The following PKD2L2 variants were observed in gnomAD, a reference collection of about 807,000 sequenced individuals.
PKD2L2 encodes polycystin 2 like 2, transient receptor potential cation channel, also known as polycystin-2-like protein 2.
In PKD2L2, 67 loss-of-function variants were observed where a neutral mutation model predicts 83.9. The ratio of observed to expected loss-of-function variants is 0.80; its 90% CI spans 0.66 to 0.98. PKD2L2 has a LOEUF of 0.98. PKD2L2 is among the 50% of genes least tolerant of loss of function. The pLI is 0.00. For missense variants in PKD2L2, 632 were observed against 717.2 expected (o/e 0.88, Z 1.36); for synonymous variants, 223 against 237.8 (o/e 0.94, Z 0.57).
At chr5:137,926,613 T>G (rs1451398510) in intron 12 of PKD2L2, among the ~76,000 whole-genome samples, 1 of 152,208 alleles carries the variant, frequency 6.6e-6, no homozygotes, top group African/African-American at 2.4e-5. Context: ...CTATGAGGGC[T>G]AGAATGACAC....
chr5:137,938,529 T>C (rs1156371950), intron 14 of PKD2L2: 1 of 152,588 alleles, frequency 6.6e-6, no homozygotes, highest in Non-Finnish European at 1.5e-5. Context: ...CAATTTCACT[T>C]TTCTAGGTAT....
chr5:137,940,036 A>G, intron 14 of PKD2L2: 1 of 1,613,050 alleles, frequency 6.2e-7, no homozygotes, highest in Non-Finnish European at 8.5e-7. Flanking sequence ...ATGGAACATC[A>G]CTTACGCTCC....
In PKD2L2 at chr5:137,907,903, A is replaced by G. The variant is rs1174682934; in HGVS notation, c.1137A>G (p.Ala379=). 1 of 1,360,844 alleles carries G rather than the reference A, an allele frequency of 7.3e-7. No individual in the cohort carries two copies. The highest frequency in any genetic ancestry group is 1.0e-6 in the Non-Finnish European group (1 of 971,374). The allele number at this position is 1,360,844 out of a possible 1,614,324, so 84.3% of individuals were successfully genotyped here. A position where few individuals can be genotyped will look rare whatever the true frequency, so the allele number is the denominator to read the frequency against. ...NNIIAITIFF[A]WIKIFKFISF... ...TAATTGCTATTACCATCTTTTTTGCATGGATAAAGGTATTTATATTTCATT... is the reference window on the plus strand; with the variant it reads ...TAATTGCTATTACCATCTTTTTTGCGTGGATAAAGGTATTTATATTTCATT... The change falls in exon 7 of 15, where the codon GCA becomes GCG. Residue 379 remains alanine (A), a synonymous_variant. Transcript: ENST00000508883.
At chr5:137,891,374 A>G (rs1420873450) in intron 2 of PKD2L2, among the ~76,000 whole-genome samples, 2 of 151,528 alleles carry the variant, frequency 1.3e-5, no homozygotes, top group African/African-American at 4.8e-5. Context: ...GCTGAGGTGG[A>G]GGATTGCTTG....
chr5:137,903,373 G>A (rs1285585544), intron 5 of PKD2L2, among the ~76,000 whole-genome samples: 2 of 152,178 alleles, frequency 1.3e-5, no homozygotes, highest in Non-Finnish European at 2.9e-5. Context: ...CCTCTCCTGG[G>A]TGACAGGCCA....
intron 5 of PKD2L2, among the ~76,000 whole-genome samples, chr5:137,902,845 G>A (rs1757078842): frequency 6.6e-6 from 1 of 152,178 alleles, no homozygotes; most frequent in Non-Finnish European, 1.5e-5. Flanking sequence ...CACAAATGGT[G>A]TCTGCTGTAT....
Position 137,942,740 on chromosome 5 carries a change from C to G in PKD2L2, c.*374C>G, listed in dbSNP as rs1277273923. On this transcript the variant is annotated 3_prime_UTR_variant, in exon 15 of 15. Coordinates refer to ENST00000508883, the MANE Select transcript of PKD2L2 (RefSeq NM_001300921.2). The stretch of plus-strand genomic sequence containing the variant: ...TGACAATAAATATTTGCAAATCACA[C>G]TTGAAAAGCATGTGTCCTTTGATAA... The G allele has an allele frequency of 6.0e-6, 4 of 671,854 alleles. No individual in the cohort carries two copies. Among genetic ancestry groups the G allele is most frequent in the Non-Finnish European group, 9.5e-6 (4 of 423,276 alleles). 41.6% of individuals were successfully genotyped at this position (671,854 alleles called of 1,614,324 possible).
At chr5:137,919,946 C>G (rs1758738087) in intron 8 of PKD2L2, among the ~76,000 whole-genome samples, 1 of 152,212 alleles carries the variant, frequency 6.6e-6, no homozygotes, top group Admixed American at 6.5e-5. Flanking sequence ...GCCTGTAATT[C>G]CAGCACTTTG....
Position 137,929,569 on chromosome 5 carries a change from C to A in PKD2L2, c.1671+3640C>A, listed in dbSNP as rs145247506. On this transcript the variant is annotated intron_variant, in intron 12 of 14. Transcript: ENST00000508883. ...AAAAAAAAAAAAAAAACAGACCACA[C>A]GGTAAAAGACTTAAAATATAAATAT... is the stretch of plus-strand genomic sequence containing the variant. 1.1e-3 allele frequency among the ~76,000 whole-genome samples: 52 copies of A among 48,052 alleles called. 1 individual carries two copies. The East Asian group carries it at 0.024, about 22-fold the overall frequency. The allele number at this position is 48,052 out of a possible 152,430, so 31.5% of individuals were successfully genotyped here.
intron 10 of PKD2L2, among the ~76,000 whole-genome samples, 164 bp downstream of exon 10, chr5:137,923,685 T>C (rs950785844): frequency 6.6e-6 from 1 of 152,330 alleles, no homozygotes; most frequent in African/African-American, 2.4e-5. Context: ...GTTACTCATA[T>C]TCGCATTATT....
rs1468593679 is a variant in PKD2L2 at position 137,912,801 on chromosome 5, CTTTCTTTTT to C, written c.1328+3859_1328+3867del. ...TTAAATTGGATTATTTGTTTTCTTT[CTTTCTTTTT>C]TTTTTTTTTTTGAGATGGAGTTTTG... On this transcript the variant is annotated intron_variant, in intron 8 of 14. Transcript: ENST00000508883. 6.2e-3 allele frequency among the ~76,000 whole-genome samples: 619 copies of C among 99,834 alleles called. 2 individuals carry two copies. Among genetic ancestry groups the C allele is most frequent in the Non-Finnish European group, 8.8e-3 (439 of 49,952 alleles). The allele number at this position is 99,834 out of a possible 152,430, so 65.5% of individuals were successfully genotyped here.
intron 14 of PKD2L2, chr5:137,939,741 C>G (rs545898880): frequency 1.9e-6 from 1 of 534,852 alleles, no homozygotes; most frequent in South Asian, 7.1e-5. Flanking sequence ...TCTAGGAAAA[C>G]AGAGAACACA....
At chr5:137,891,481 A>AG (rs1170335400) in intron 2 of PKD2L2, among the ~76,000 whole-genome samples, 1 of 152,072 alleles carries the variant, frequency 6.6e-6, no homozygotes, top group Non-Finnish European at 1.5e-5. Flanking sequence ...AAAAAAAAAA[A>AG]AAGATAACTG....
intron 12 of PKD2L2, among the ~76,000 whole-genome samples, chr5:137,933,110 C>G (rs1338430789): frequency 3.3e-5 from 5 of 149,518 alleles, no homozygotes; most frequent in Non-Finnish European, 7.4e-5. Context: ...CTGGCAGAAT[C>G]TAACAGGAAT....
At position 137,907,802 on chromosome 5, in the gene PKD2L2, G is replaced by T; in HGVS notation, c.1036G>T (p.Gly346Ter). ...TAATGTACAAATTTTTCTCTTACTT[G>T]GACAGCTGTTGAAAAGTACTGAAAA... The part of the protein sequence containing the change: ...YYNVQIFLLL[G>*]QLLKSTEKYS... The change falls in exon 7 of 15, where the codon GGA (glycine) becomes TGA (stop). Residue 346 changes from glycine (G) to a stop codon, truncating the protein, a stop_gained. Coordinates refer to ENST00000508883, the MANE Select transcript of PKD2L2 (RefSeq NM_001300921.2). LOFTEE classifies it high-confidence loss of function. 6.3e-7 allele frequency: 1 copy of T among 1,587,214 alleles called. No individual in the cohort carries two copies. Among genetic ancestry groups the T allele is most frequent in the South Asian group, 1.2e-5 (1 of 86,262 alleles).
chr5:137,903,578 G>C (rs1038239416), intron 5 of PKD2L2, among the ~76,000 whole-genome samples: 11 of 152,206 alleles, frequency 7.2e-5, no homozygotes, highest in African/African-American at 2.6e-4. Context: ...GGAAATTATC[G>C]AGACTAAATG....
Position 137,925,907 on chromosome 5 carries a change from G to A in PKD2L2, c.1649G>A (p.Arg550Lys). ...AGCGGAGATTTGGCTGAACAAGCCA[G>A]AAGAGAAGGCTTTGACGAAAATGTA... is the stretch of plus-strand genomic sequence containing the variant. ...KGSGDLAEQA[R>K]REGFDENEIQ... The change falls in exon 12 of 15, where the codon AGA becomes AAA. Residue 550 changes from arginine (R) to lysine (K), a missense_variant. Coordinates refer to ENST00000508883, the MANE Select transcript of PKD2L2 (RefSeq NM_001300921.2). The A allele has an allele frequency of 1.3e-6, 2 of 1,597,216 alleles. No homozygotes were observed. Among genetic ancestry groups the A allele is most frequent in the East Asian group, 2.2e-5 (1 of 44,728 alleles).
intron 14 of PKD2L2, chr5:137,942,079 A>G (rs368315745): frequency 1.3e-6 from 2 of 1,522,858 alleles, no homozygotes; most frequent in Non-Finnish European, 1.8e-6. Context: ...TGAAGGGCAC[A>G]CTTGATTCAT....
Position 137,889,488 on chromosome 5 carries a change from C to T in PKD2L2, c.-4C>T, listed in dbSNP as rs751177692. On this transcript the variant is annotated 5_prime_UTR_variant, in exon 1 of 15. Transcript: ENST00000508883. The stretch of plus-strand genomic sequence containing the variant: ...ACGAACGGGCGGTGTAGTGCAGGTC[C>T]GCCATGGCTGAGGCGTCACGGTGGC... 8.3e-6 allele frequency: 13 copies of T among 1,570,864 alleles called. No homozygotes were observed. The highest frequency in any genetic ancestry group is 1.9e-5 in the Admixed American group (1 of 51,912).
Sources: gnomAD v4.1 joint callset for allele counts (sites outside exome capture counted in the v4.1 genomes callset) on GRCh38, gnomAD v4.1.1 for gene constraint, MANE v1.5 for transcripts, NCBI Gene and HGNC (gene_info 2026-07-23, HGNC 2026-07-21) for gene names.